The following ATF7 variants were observed in gnomAD, a reference collection of about 807,000 sequenced individuals.
ATF7 encodes the protein cyclic AMP-dependent transcription factor ATF-7.
A neutral mutation model predicts 50.4 loss-of-function variants in ATF7; 10 were observed. The observed-to-expected ratio is 0.20, with a 90% CI of 0.12 to 0.34. The LOEUF (loss-of-function observed/expected upper bound fraction) is 0.34. ATF7 is among the 10% of genes least tolerant of loss of function. The pLI is 1.00. For synonymous variants in ATF7, 201 were observed against 226.4 expected, an observed-to-expected ratio of 0.89 and a Z score of 1.01; for missense variants, 465 against 613.9, an observed-to-expected ratio of 0.76 and a Z score of 2.56.
At position 53,517,275 on chromosome 12, in the gene ATF7, A is replaced by G; in HGVS notation, c.1314T>C (p.Asn438=). 1 of 1,614,046 alleles carries G rather than the reference A, an allele frequency of 6.2e-7. No individual in the cohort carries two copies. The change falls in exon 12 of 12, where the codon AAT becomes AAC. Residue 438 remains asparagine (N), a synonymous_variant. Transcript: ENST00000420353. The part of the protein sequence containing the change: ...IQHSSATAPS[N]GLSVRSAAEA... The stretch of plus-strand genomic sequence containing the variant: ...CAGCTGCAGAGCGAACACTGAGGCC[A>G]TTGCTAGGGGCTGTTGCTGAGCTGT...
chr12:53,601,378 A>G (rs1434076949), intron 1 of ATF7, among the ~76,000 whole-genome samples: 1 of 152,222 alleles, frequency 6.6e-6, no homozygotes, highest in Non-Finnish European at 1.5e-5. Flanking sequence ...TGCGGAAGCC[A>G]TATTTCTGAA....
intron 4 of ATF7, 135 bp downstream of exon 4, chr12:53,543,195 T>TCTGGTTTTA (rs747768245): frequency 1.3e-6 from 2 of 1,544,260 alleles, no homozygotes; most frequent in Admixed American, 3.9e-5. Flanking sequence ...GTGACTACTA[T>TCTGGTTTTA]CTGGTTTTAC....
At chr12:53,589,476 T>C (rs1412425517) in intron 2 of ATF7, among the ~76,000 whole-genome samples, 1 of 152,220 alleles carries the variant, frequency 6.6e-6, no homozygotes, top group Non-Finnish European at 1.5e-5. Flanking sequence ...CTGTACCTTA[T>C]ATAAACACAT....
intron 4 of ATF7, among the ~76,000 whole-genome samples, chr12:53,539,713 T>A (rs1939423778): frequency 6.7e-6 from 1 of 149,958 alleles, no homozygotes; most frequent in Non-Finnish European, 1.5e-5. Context: ...AATGAATGAA[T>A]GAATGAATGA....
intron 6 of ATF7, among the ~76,000 whole-genome samples, chr12:53,534,278 A>G (rs1419162861): frequency 1.3e-5 from 2 of 152,162 alleles, no homozygotes; most frequent in African/African-American, 4.8e-5. Context: ...CTCTATCTCA[A>G]AAAAACCCAA....
chr12:53,582,121 A>C (rs1302506269), intron 2 of ATF7, among the ~76,000 whole-genome samples: 1 of 152,066 alleles, frequency 6.6e-6, no homozygotes, highest in African/African-American at 2.4e-5. Flanking sequence ...ATGAACAAAA[A>C]AAGAGTGGCC....
chr12:53,580,427 G>C (rs1264511281), intron 2 of ATF7, among the ~76,000 whole-genome samples: 2 of 150,846 alleles, frequency 1.3e-5, no homozygotes, highest in Non-Finnish European at 3.0e-5. Context: ...CACTTTGGGA[G>C]GCCAAGGCGG....
intron 1 of ATF7, among the ~76,000 whole-genome samples, chr12:53,610,670 C>T (rs1592988343): frequency 6.6e-6 from 1 of 151,706 alleles, no homozygotes; most frequent in Non-Finnish European, 1.5e-5. Context: ...CACTTCAGAG[C>T]GTAACAGGTA....
At chr12:53,570,734 TGC>T (rs879590524) in intron 2 of ATF7, among the ~76,000 whole-genome samples, 5,388 of 94,314 alleles carry the variant, frequency 0.057, 202 homozygotes, top group East Asian at 0.32. Flanking sequence ...TTCTCCTGTG[TGC>T]GTGTGTGTGT....
intron 2 of ATF7, among the ~76,000 whole-genome samples, chr12:53,591,631 T>C (rs1397418451): frequency 6.6e-6 from 1 of 152,190 alleles, no homozygotes; most frequent in Non-Finnish European, 1.5e-5. Context: ...TGCCAATCTT[T>C]ATAGTGGATT....
intron 2 of ATF7, among the ~76,000 whole-genome samples, chr12:53,559,094 C>A (rs1308388245): frequency 2.8e-5 from 4 of 144,578 alleles, no homozygotes; most frequent in Non-Finnish European, 4.5e-5. Context: ...CCAGCCTGGG[C>A]AACATCGTTA....
chr12:53,544,593 C>T (rs1160959368), intron 3 of ATF7, among the ~76,000 whole-genome samples: 1 of 151,896 alleles, frequency 6.6e-6, no homozygotes, highest in Admixed American at 6.6e-5. Flanking sequence ...CAAAAAAATA[C>T]AAAAATTAGG....
chr12:53,617,425 C>T (rs562319134), intron 1 of ATF7, among the ~76,000 whole-genome samples: 1 of 152,070 alleles, frequency 6.6e-6, no homozygotes, highest in Non-Finnish European at 1.5e-5. Flanking sequence ...GTCACGGGTG[C>T]GAGAGCAGCC....
intron 4 of ATF7, among the ~76,000 whole-genome samples, chr12:53,540,269 T>C (rs1939462558): frequency 6.7e-6 from 1 of 149,936 alleles, no homozygotes; most frequent in Admixed American, 6.7e-5. Context: ...GATAATCACT[T>C]GAACTCAGGA....
At chr12:53,605,244 C>A (rs1460880782) in intron 1 of ATF7, among the ~76,000 whole-genome samples, 1 of 151,960 alleles carries the variant, frequency 6.6e-6, no homozygotes, top group Non-Finnish European at 1.5e-5. Flanking sequence ...CAAACATTAG[C>A]CAGGCATGGT....
At chr12:53,563,010 A>C (rs1225656389) in intron 2 of ATF7, among the ~76,000 whole-genome samples, 3 of 152,258 alleles carry the variant, frequency 2.0e-5, no homozygotes, top group East Asian at 3.9e-4. Context: ...ATTTTCTGCT[A>C]TTCTTCTACT....
At chr12:53,607,686 A>G (rs746566228) in intron 1 of ATF7, among the ~76,000 whole-genome samples, 2 of 152,240 alleles carry the variant, frequency 1.3e-5, no homozygotes, top group Non-Finnish European at 2.9e-5. Context: ...TACATGCACC[A>G]TAATTGTAAA....
At chr12:53,610,047 C>T (rs1399575273) in intron 1 of ATF7, among the ~76,000 whole-genome samples, 3 of 151,778 alleles carry the variant, frequency 2.0e-5, no homozygotes, top group African/African-American at 7.3e-5. Flanking sequence ...GAACTCCTGA[C>T]CTCAAGTGAT....
intron 9 of ATF7, chr12:53,525,078 G>A: frequency 8.7e-6 from 2 of 230,904 alleles, no homozygotes; most frequent in Non-Finnish European, 1.7e-5. Context: ...ATCTTGACCG[G>A]CACAGTGGCT....
Sources: allele counts gnomAD v4.1 joint callset (sites outside exome capture counted in the v4.1 genomes callset), GRCh38; gene constraint gnomAD v4.1.1; transcripts MANE v1.5; gene names NCBI Gene and HGNC (gene_info 2026-07-23, HGNC 2026-07-21).